The following VAV3 variants were observed in gnomAD, a reference collection of about 807,000 sequenced individuals.
VAV3 encodes the protein vav guanine nucleotide exchange factor 3, also known as guanine nucleotide exchange factor VAV3.
VAV3 carries 94 observed loss-of-function variants against 131.2 expected under a neutral mutation model. The ratio of observed to expected loss-of-function variants is 0.72; its 90% confidence interval spans 0.61 to 0.85. The LOEUF is 0.85. Among genes scored for constraint, VAV3 ranks in the 40% least tolerant of loss-of-function variants. The probability of loss-of-function intolerance (pLI) is 0.00; values close to 1 mark genes in which losing one functional copy is unlikely to be tolerated. For synonymous variants in VAV3, 349 were observed against 342.0 expected (o/e 1.02, Z -0.22); for missense variants, 939 against 1,002.7 (o/e 0.94, Z 0.86).
intron 2 of VAV3, among the ~76,000 whole-genome samples, chr1:107,800,210 C>T (rs934907595): frequency 1.3e-5 from 2 of 152,054 alleles, no homozygotes; most frequent in African/African-American, 4.8e-5. Flanking sequence ...GATATATAGT[C>T]AGTAATATAA....
At chr1:107,847,456 A>G (rs1669020705) in intron 2 of VAV3, among the ~76,000 whole-genome samples, 1 of 152,118 alleles carries the variant, frequency 6.6e-6, no homozygotes, top group South Asian at 2.1e-4. Flanking sequence ...GATACAAAAA[A>G]CCCTTCAAAA....
chr1:107,630,991 C>T (rs1008277667), intron 20 of VAV3, among the ~76,000 whole-genome samples: 1 of 152,056 alleles, frequency 6.6e-6, no homozygotes. Flanking sequence ...TCATGACAGC[C>T]TTGAAACATT....
At chr1:107,774,866 T>C (rs1665251532) in intron 4 of VAV3, among the ~76,000 whole-genome samples, 1 of 151,964 alleles carries the variant, frequency 6.6e-6, no homozygotes, top group South Asian at 2.1e-4. Flanking sequence ...AAAATCAAGC[T>C]GTCACAGCAA....
intron 15 of VAV3, among the ~76,000 whole-genome samples, chr1:107,747,520 A>G (rs1232267376): frequency 2.0e-5 from 3 of 152,250 alleles, no homozygotes; most frequent in Non-Finnish European, 4.4e-5. Flanking sequence ...ATGTAGTTTT[A>G]TAAGTCTTGT....
At chr1:107,677,152 T>C (rs1402817847) in intron 19 of VAV3, among the ~76,000 whole-genome samples, 1 of 152,140 alleles carries the variant, frequency 6.6e-6, no homozygotes, top group Non-Finnish European at 1.5e-5. Flanking sequence ...TGACAGAAAT[T>C]CCACAAATAG....
At chr1:107,719,443 C>T (rs926961179) in intron 15 of VAV3, among the ~76,000 whole-genome samples, 4 of 152,110 alleles carry the variant, frequency 2.6e-5, no homozygotes, top group African/African-American at 9.7e-5. Flanking sequence ...TTTATGCAGC[C>T]AACAGACATA....
chr1:107,854,349 C>A (rs1321485066), intron 2 of VAV3, among the ~76,000 whole-genome samples: 1 of 152,064 alleles, frequency 6.6e-6, no homozygotes, highest in African/African-American at 2.4e-5. Context: ...GGTTAACAGA[C>A]ATAAGCCGAC....
intron 2 of VAV3, among the ~76,000 whole-genome samples, chr1:107,831,040 T>C (rs1485281436): frequency 6.6e-6 from 1 of 152,208 alleles, no homozygotes; most frequent in African/African-American, 2.4e-5. Context: ...TGAGTATCCC[T>C]TATCTGAAAT....
intron 25 of VAV3, among the ~76,000 whole-genome samples, chr1:107,586,111 C>T (rs1031855819): frequency 6.7e-6 from 1 of 149,738 alleles, no homozygotes; most frequent in East Asian, 2.0e-4. Flanking sequence ...CATCCCTCAG[C>T]GCTCATGAGT....
At chr1:107,802,783 A>G (rs1666885937) in intron 2 of VAV3, among the ~76,000 whole-genome samples, 1 of 151,596 alleles carries the variant, frequency 6.6e-6, no homozygotes, top group Admixed American at 6.6e-5. Flanking sequence ...TATCAGTGAT[A>G]TTGGCCTGTA....
At chr1:107,619,108 G>T (rs1653385401) in intron 20 of VAV3, among the ~76,000 whole-genome samples, 1 of 152,144 alleles carries the variant, frequency 6.6e-6, no homozygotes, top group Non-Finnish European at 1.5e-5. Context: ...AAGAGAAGAT[G>T]ATCTGTTTCT....
At chr1:107,730,117 G>A (rs1662129703) in intron 15 of VAV3, among the ~76,000 whole-genome samples, 2 of 152,208 alleles carry the variant, frequency 1.3e-5, no homozygotes, top group African/African-American at 4.8e-5. Flanking sequence ...ATTTTAATAA[G>A]TGACGGGTCA....
intron 2 of VAV3, among the ~76,000 whole-genome samples, chr1:107,831,185 T>G (rs1668232526): frequency 6.6e-6 from 1 of 152,110 alleles, no homozygotes; most frequent in East Asian, 1.9e-4. Context: ...AAAAGAATAT[T>G]AGGACTTTTC....
chr1:107,695,315 ATAAGAT>A (rs978259159), intron 17 of VAV3, among the ~76,000 whole-genome samples: 3 of 152,162 alleles, frequency 2.0e-5, no homozygotes, highest in African/African-American at 7.2e-5. Context: ...TTATGTAAGA[ATAAGAT>A]TAAGAGCAGG....
chr1:107,937,756 T>C (rs1325549924), intron 1 of VAV3, among the ~76,000 whole-genome samples: 1 of 152,204 alleles, frequency 6.6e-6, no homozygotes, highest in Non-Finnish European at 1.5e-5. Flanking sequence ...ATTCTAAGAC[T>C]CTGGTTAAGG....
At chr1:107,915,130 C>A (rs568612548) in intron 1 of VAV3, among the ~76,000 whole-genome samples, 32 of 152,154 alleles carry the variant, frequency 2.1e-4, no homozygotes, top group Non-Finnish European at 3.4e-4. Flanking sequence ...AACCCAAATA[C>A]CAAGAAAAGA....
intron 2 of VAV3, among the ~76,000 whole-genome samples, chr1:107,824,895 C>T (rs115175129): frequency 1.1e-3 from 162 of 151,618 alleles, no homozygotes; most frequent in African/African-American, 3.7e-3. Flanking sequence ...AACAGGAACA[C>T]TATTTTAAGA....
intron 2 of VAV3, among the ~76,000 whole-genome samples, chr1:107,802,467 G>T (rs1406053361): frequency 2.0e-5 from 3 of 152,028 alleles, no homozygotes; most frequent in East Asian, 3.9e-4. Context: ...ATATGCTATT[G>T]ACTATGGGTT....
chr1:107,693,435 T>C (rs891876267), intron 17 of VAV3, among the ~76,000 whole-genome samples: 2 of 152,178 alleles, frequency 1.3e-5, no homozygotes, highest in Non-Finnish European at 2.9e-5. Flanking sequence ...CACATATTAA[T>C]ACAAATGAGG....
Sources: gnomAD v4.1 joint callset for allele counts (sites outside exome capture counted in the v4.1 genomes callset) on GRCh38, gnomAD v4.1.1 for gene constraint, MANE v1.5 for transcripts, NCBI Gene and HGNC (gene_info 2026-07-23, HGNC 2026-07-21) for gene names.